The following CNTNAP2 variants were observed in gnomAD, a reference collection of about 807,000 sequenced individuals.
CNTNAP2 encodes contactin associated protein 2.
CNTNAP2 carries 98 observed loss-of-function variants against 155.2 expected under a neutral mutation model. The observed-to-expected ratio is 0.63, with a 90% CI of 0.54 to 0.75. The LOEUF is 0.75. CNTNAP2 is among the 30% of genes least tolerant of loss of function. The probability of loss-of-function intolerance (pLI) is 0.00; values close to 1 mark genes in which losing one functional copy is unlikely to be tolerated. For missense variants in CNTNAP2, 1,727 were observed against 1,688.1 expected, an observed-to-expected ratio of 1.02 and a Z score of -0.40; for synonymous variants, 651 against 631.2, an observed-to-expected ratio of 1.03 and a Z score of -0.47.
chr7:147,330,502 T>C (rs1398335165), intron 9 of CNTNAP2, among the ~76,000 whole-genome samples: 1 of 152,098 alleles, frequency 6.6e-6, no homozygotes, highest in Non-Finnish European at 1.5e-5. Flanking sequence ...CATTGATGGG[T>C]TGGACTTATG....
At chr7:146,195,929 T>G (rs1798768738) in intron 1 of CNTNAP2, among the ~76,000 whole-genome samples, 1 of 152,226 alleles carries the variant, frequency 6.6e-6, no homozygotes, top group East Asian at 1.9e-4. Context: ...ACCACTTCCA[T>G]CATGATGGTG....
intron 9 of CNTNAP2, among the ~76,000 whole-genome samples, chr7:147,331,999 C>A (rs1186296353): frequency 6.6e-6 from 1 of 152,128 alleles, no homozygotes; most frequent in Non-Finnish European, 1.5e-5. Context: ...TCTCAGCTGC[C>A]CTCTCCTTAT....
chr7:147,696,757 G>A (rs1319728756), intron 13 of CNTNAP2, among the ~76,000 whole-genome samples: 1 of 151,642 alleles, frequency 6.6e-6, no homozygotes, highest in Non-Finnish European at 1.5e-5. Flanking sequence ...ACTTTTGAAG[G>A]ATAGTTTTGC....
chr7:147,857,566 G>A (rs529469535), intron 13 of CNTNAP2, among the ~76,000 whole-genome samples: 1 of 152,194 alleles, frequency 6.6e-6, no homozygotes, highest in South Asian at 2.1e-4. Context: ...AGTTGGTTTT[G>A]TAATGTCAGG....
chr7:147,281,240 ACGAATCATCAG>A (rs1211430198), intron 8 of CNTNAP2, among the ~76,000 whole-genome samples: 2 of 151,952 alleles, frequency 1.3e-5, no homozygotes, highest in African/African-American at 4.8e-5. Context: ...GATTTTTATA[ACGAATCATCAG>A]CATTCAATAT....
chr7:147,110,222 T>C lies in CNTNAP2; in HGVS notation c.754+1872T>C, dbSNP rs1024624745. Among the ~76,000 whole-genome samples the C allele has an allele frequency of 2.6e-5, 4 of 152,142 alleles. No individual in the cohort carries two copies. The East Asian group carries it at 5.8e-4, about 22-fold the overall frequency. ...TTACAAGCCACCGTGCCTGGCCCTG[T>C]TGTTGTTTTTAAATGGACAAGACCA... On this transcript the variant is annotated intron_variant, in intron 5 of 23. Coordinates refer to ENST00000361727, the MANE Select transcript of CNTNAP2 (RefSeq NM_014141.6).
At chr7:147,037,455 C>CCTTT (rs1339423315) in intron 3 of CNTNAP2, among the ~76,000 whole-genome samples, 11 of 134,666 alleles carry the variant, frequency 8.2e-5, no homozygotes, top group East Asian at 4.3e-4. Context: ...TTTTTTTTCC[C>CCTTT]TTTTTTTTTT....
chr7:146,688,150 G>C (rs1189836923), intron 1 of CNTNAP2, among the ~76,000 whole-genome samples: 1 of 152,146 alleles, frequency 6.6e-6, no homozygotes, highest in Non-Finnish European at 1.5e-5. Flanking sequence ...AAACTGCCAT[G>C]AAGTGATTCA....
intron 13 of CNTNAP2, among the ~76,000 whole-genome samples, chr7:147,658,400 A>G (rs1265430234): frequency 6.6e-6 from 1 of 152,240 alleles, no homozygotes; most frequent in African/African-American, 2.4e-5. Flanking sequence ...ACTGAAATCC[A>G]TAATCAAAAT....
At chr7:146,384,796 G>C (rs1795437272) in intron 1 of CNTNAP2, among the ~76,000 whole-genome samples, 1 of 152,084 alleles carries the variant, frequency 6.6e-6, no homozygotes, top group Non-Finnish European at 1.5e-5. Flanking sequence ...TCTTCTGAAA[G>C]GCCTTTTGAC....
chr7:146,479,266 C>T (rs1010704988), intron 1 of CNTNAP2, among the ~76,000 whole-genome samples: 2 of 152,118 alleles, frequency 1.3e-5, no homozygotes, highest in African/African-American at 4.8e-5. Flanking sequence ...CAACAGACGC[C>T]CTATAAAGAT....
At chr7:146,895,451 A>G (rs1795856681) in intron 3 of CNTNAP2, among the ~76,000 whole-genome samples, 1 of 152,060 alleles carries the variant, frequency 6.6e-6, no homozygotes, top group African/African-American at 2.4e-5. Flanking sequence ...CAAATAATGG[A>G]TTAGGATGTA....
chr7:147,743,126 C>T (rs558700233), intron 13 of CNTNAP2, among the ~76,000 whole-genome samples: 4 of 152,248 alleles, frequency 2.6e-5, no homozygotes, highest in African/African-American at 9.6e-5. Flanking sequence ...AGGTCAAAGC[C>T]AATAGGATAG....
chr7:147,710,267 C>T (rs1217393608), intron 13 of CNTNAP2, among the ~76,000 whole-genome samples: 1 of 152,108 alleles, frequency 6.6e-6, no homozygotes, highest in Non-Finnish European at 1.5e-5. Flanking sequence ...ATTCAACTAT[C>T]CCCATAGCTA....
chr7:146,566,669 C>G (rs1331213797), intron 1 of CNTNAP2, among the ~76,000 whole-genome samples: 2 of 151,714 alleles, frequency 1.3e-5, no homozygotes, highest in Non-Finnish European at 2.9e-5. Flanking sequence ...TGCACTCCAG[C>G]CTGGGCGACA....
intron 15 of CNTNAP2, among the ~76,000 whole-genome samples, chr7:148,031,158 A>G (rs1279222173): frequency 6.6e-6 from 1 of 152,030 alleles, no homozygotes; most frequent in Non-Finnish European, 1.5e-5. Context: ...TTACCCTTCC[A>G]CAGAGACTGA....
At chr7:146,985,307 AATTTTTTTTTTTTT>A (rs1363535500) in intron 3 of CNTNAP2, among the ~76,000 whole-genome samples, 1 of 120,950 alleles carries the variant, frequency 8.3e-6, no homozygotes, top group Non-Finnish European at 1.6e-5. Flanking sequence ...AAAATGCTTG[AATTTTTTTTTTTTT>A]TTTTTTTTTT....
At chr7:146,594,990 T>C (rs1196891508) in intron 1 of CNTNAP2, among the ~76,000 whole-genome samples, 1 of 152,080 alleles carries the variant, frequency 6.6e-6, no homozygotes, top group Non-Finnish European at 1.5e-5. Context: ...TAGCTGTGAA[T>C]AAACTCGAGG....
intron 1 of CNTNAP2, among the ~76,000 whole-genome samples, chr7:146,264,890 G>A (rs1799970594): frequency 6.6e-6 from 1 of 152,192 alleles, no homozygotes; most frequent in South Asian, 2.1e-4. Flanking sequence ...TGCCACTCTG[G>A]TCATTGTATC....
Sources: allele counts gnomAD v4.1 joint callset (sites outside exome capture counted in the v4.1 genomes callset), GRCh38; gene constraint gnomAD v4.1.1; transcripts MANE v1.5; gene names NCBI Gene and HGNC (gene_info 2026-07-23, HGNC 2026-07-21).